The following TPST2 variants were observed in gnomAD, a reference collection of about 807,000 sequenced individuals.
The protein encoded by TPST2 is tyrosylprotein sulfotransferase 2, also known as protein-tyrosine sulfotransferase 2.
A neutral mutation model predicts 27.8 loss-of-function variants in TPST2; 16 were observed. The observed-to-expected ratio is 0.58, with a 90% CI of 0.39 to 0.88. The LOEUF (loss-of-function observed/expected upper bound fraction) is 0.88, where lower values mean the gene tolerates loss of function less well. Among genes scored for constraint, TPST2 ranks in the 40% least tolerant of loss-of-function variants. The pLI, the probability that TPST2 is intolerant of heterozygous loss-of-function variation, is 0.00. For missense variants in TPST2, 464 were observed against 543.1 expected (o/e 0.85, Z 1.45); for synonymous variants, 229 against 231.7 (o/e 0.99, Z 0.10).
At chr22:26,571,330 C>G (rs1230404563) in intron 1 of TPST2, among the ~76,000 whole-genome samples, 1 of 152,202 alleles carries the variant, frequency 6.6e-6, no homozygotes, top group Non-Finnish European at 1.5e-5. Flanking sequence ...CTCCTGTCCT[C>G]TCTCACATCG....
intron 1 of TPST2, chr22:26,560,912 G>T (rs1927054090): frequency 6.2e-7 from 1 of 1,606,302 alleles, no homozygotes; most frequent in African/African-American, 1.3e-5. Flanking sequence ...CGAAGAAACT[G>T]GGAGAGATGT....
intron 1 of TPST2, among the ~76,000 whole-genome samples, chr22:26,583,360 C>T (rs1156515991): frequency 7.0e-6 from 1 of 142,500 alleles, no homozygotes. Context: ...TCACTTGAAC[C>T]GAGGAGGCAG....
chr22:26,589,774 G>T (rs59327877), intron 1 of TPST2, among the ~76,000 whole-genome samples: 30,532 of 152,076 alleles, frequency 0.2, 3,357 homozygotes, highest in East Asian at 0.41. Flanking sequence ...CGCTGGGTCC[G>T]AAGCGGGAAG....
intron 6 of TPST2, among the ~76,000 whole-genome samples, chr22:26,527,800 C>T (rs1038173601): frequency 5.3e-5 from 8 of 152,314 alleles, no homozygotes; most frequent in South Asian, 2.1e-4. Context: ...TAGAACAGAA[C>T]GACTTGTGAC....
At chr22:26,564,950 G>T (rs977458952) in intron 1 of TPST2, among the ~76,000 whole-genome samples, 1 of 152,186 alleles carries the variant, frequency 6.6e-6, no homozygotes, top group African/African-American at 2.4e-5. Flanking sequence ...AAATGAGGAC[G>T]TAACACACAG....
chr22:26,523,932 G>T lies in TPST2; in HGVS notation c.*2343C>A, dbSNP rs776393594. ...CCAGGAAGTTCTCTGAACATCCAGGGTCTTCACAGATGGACTTCTCATAAA... is the reference window on the plus strand; with the variant it reads ...CCAGGAAGTTCTCTGAACATCCAGGTTCTTCACAGATGGACTTCTCATAAA... On this transcript the variant is annotated 3_prime_UTR_variant, in exon 7 of 7. Coordinates refer to ENST00000338754, the MANE Select transcript of TPST2 (RefSeq NM_003595.5). 3 of 152,122 alleles carry T rather than the reference G, an allele frequency of 2.0e-5. No homozygotes were observed. The highest frequency in any genetic ancestry group is 4.4e-5 in the Non-Finnish European group (3 of 68,024). The allele number at this position is 152,122 out of a possible 1,614,324, so 9.4% of individuals were successfully genotyped here.
chr22:26,549,715 A>G lies in TPST2; in HGVS notation c.-160-5040T>C, dbSNP rs577468050. ...AAAAAAAAAATAATCAGATTAAGCC[A>G]GAATCGGTTGTTGGAAACAGCGGGG... is the stretch of plus-strand genomic sequence containing the variant. On this transcript the variant is annotated intron_variant, in intron 1 of 6. Coordinates refer to ENST00000338754, the MANE Select transcript of TPST2 (RefSeq NM_003595.5). Among the ~76,000 whole-genome samples, 3 of 150,288 alleles carry G rather than the reference A, an allele frequency of 2.0e-5. No homozygotes were observed. In the South Asian group the frequency reaches 6.3e-4, roughly 32 times the overall value.
intron 1 of TPST2, among the ~76,000 whole-genome samples, chr22:26,579,587 T>A (rs540304325): frequency 6.6e-6 from 1 of 152,342 alleles, no homozygotes; most frequent in South Asian, 2.1e-4. Flanking sequence ...GGTTTCTGGC[T>A]GAGCCCCCGG....
chr22:26,583,118 G>GAAAAAAAAAAAAAAAAA (rs113898345), intron 1 of TPST2, among the ~76,000 whole-genome samples: 1 of 99,554 alleles, frequency 1.0e-5, no homozygotes, highest in African/African-American at 3.8e-5. Context: ...TCTCAAAAAG[G>GAAAAAAAAAAAAAAAAA]AAAAAAAAAA....
Position 26,532,741 on chromosome 22 carries a change from A to C in TPST2, c.1046T>G (p.Leu349Trp). The change falls in exon 5 of 7, where the codon TTG becomes TGG. Residue 349 changes from leucine to tryptophan, a missense_variant. By Grantham distance (61) the Leu-to-Trp change is moderately conservative. Transcript: ENST00000338754. The part of the protein sequence containing the change: ...PFVINNTQRV[L>W]KGDYKTPANL... ...GGCTGGTGTTTTATAGTCCCCTTTC[A>C]AGACCTAAGGAAGAGAAAAAGAAAT... is the stretch of plus-strand genomic sequence containing the variant. 3 of 1,613,792 alleles carry C rather than the reference A, an allele frequency of 1.9e-6. No individual in the cohort carries two copies. The highest frequency in any genetic ancestry group is 2.5e-6 in the Non-Finnish European group (3 of 1,179,878).
intron 1 of TPST2, among the ~76,000 whole-genome samples, chr22:26,583,205 C>T (rs11704770): frequency 0.33 from 50,251 of 150,920 alleles, 8,860 homozygotes; most frequent in Middle Eastern, 0.43. Flanking sequence ...GAGGCTGACA[C>T]GGGCAGATCA....
rs1052525028 is a variant in TPST2, at chr22:26,537,873, T to C, written c.843-1387A>G. Among the ~76,000 whole-genome samples, 39 of 152,222 alleles carry C rather than the reference T, an allele frequency of 2.6e-4. 1 individual carries two copies. The highest frequency in any genetic ancestry group is 2.6e-3 in the Admixed American group (39 of 15,276). On this transcript the variant is annotated intron_variant, in intron 3 of 6. Coordinates refer to ENST00000338754, the MANE Select transcript of TPST2 (RefSeq NM_003595.5). The stretch of plus-strand genomic sequence containing the variant: ...GTAAAACAAATACGCTAGTTTTTTT[T>C]CCCCACTCAATACCTCACTCTTTTT...
chr22:26,536,039 T>C (rs1324143984), intron 4 of TPST2: 1 of 661,950 alleles, frequency 1.5e-6, no homozygotes, highest in Non-Finnish European at 2.9e-6. Flanking sequence ...GAAATTAGTG[T>C]ACAAGCTGGC....
chr22:26,544,732 C>A (rs1926029030), intron 1 of TPST2, 57 bp from the exon 2 acceptor site: 2 of 951,990 alleles, frequency 2.1e-6, no homozygotes, highest in South Asian at 4.9e-5. Context: ...AGGGGCCAAG[C>A]CTTCAAAGAG....
At chr22:26,532,400 C>T (rs1013133176) in intron 5 of TPST2, among the ~76,000 whole-genome samples, 5 of 152,236 alleles carry the variant, frequency 3.3e-5, no homozygotes, top group Non-Finnish European at 7.3e-5. Flanking sequence ...CCTGCCTCAG[C>T]CTCCCAAGTA....
chr22:26,547,080 C>T (rs746799359), intron 1 of TPST2, among the ~76,000 whole-genome samples: 4 of 152,032 alleles, frequency 2.6e-5, no homozygotes, highest in Non-Finnish European at 5.9e-5. Context: ...AGTCAAAGAG[C>T]TCTCCTTTTT....
intron 1 of TPST2, among the ~76,000 whole-genome samples, chr22:26,556,781 G>C (rs75424557): frequency 1.3e-5 from 2 of 152,184 alleles, no homozygotes; most frequent in Non-Finnish European, 2.9e-5. Context: ...CCATGGTCCT[G>C]CCTCAGGAGT....
intron 1 of TPST2, among the ~76,000 whole-genome samples, chr22:26,586,518 G>A (rs1274354120): frequency 6.6e-6 from 1 of 152,148 alleles, no homozygotes; most frequent in African/African-American, 2.4e-5. Flanking sequence ...CAAAAGTGCT[G>A]GGATTACAAG....
intron 4 of TPST2, among the ~76,000 whole-genome samples, chr22:26,533,805 G>A (rs113386752): frequency 6.6e-6 from 1 of 151,952 alleles, no homozygotes; most frequent in African/African-American, 2.4e-5. Context: ...CTTCTGAGTA[G>A]CTGGGACTAT....
Sources: allele counts gnomAD v4.1 joint callset (sites outside exome capture counted in the v4.1 genomes callset), GRCh38; gene constraint gnomAD v4.1.1; transcripts MANE v1.5; gene names NCBI Gene and HGNC (gene_info 2026-07-23, HGNC 2026-07-21).